ABCA8: variants seen among roughly 807,000 people sequenced by gnomAD.
ABCA8 encodes ATP binding cassette subfamily A member 8, also known as ABC-type organic anion transporter ABCA8.
ABCA8 carries 177 observed loss-of-function variants against 192.3 expected under a neutral mutation model. The ratio of observed to expected loss-of-function variants is 0.92; its 90% confidence interval spans 0.81 to 1.04. The LOEUF (loss-of-function observed/expected upper bound fraction) is 1.04. Ranked by LOEUF, ABCA8 falls within the 50% of genes least tolerant of loss-of-function variation. The pLI, the probability that ABCA8 is intolerant of heterozygous loss-of-function variation, is 0.00. For synonymous variants in ABCA8, 642 were observed against 690.2 expected (o/e 0.93, Z 1.09); for missense variants, 1,915 against 1,904.8 (o/e 1.01, Z -0.10).
rs1292404335 is a variant in ABCA8 at position 68,867,567 on chromosome 17, T to C, written c.*518A>G. ...TTACCTGTGGATATGTTATCAACGA[T>C]ATTGATATCAGATACTATGACCCAT... On this transcript the variant is annotated 3_prime_UTR_variant, in exon 40 of 40. Transcript: ENST00000586539. 6.6e-6 allele frequency: 1 copy of C among 152,210 alleles called. No homozygotes were observed. Among genetic ancestry groups the C allele is most frequent in the South Asian group, 2.1e-4 (1 of 4,830 alleles). 9.4% of individuals were successfully genotyped at this position (152,210 alleles called of 1,614,324 possible). A position where few individuals can be genotyped will look rare whatever the true frequency, so the allele number is the denominator to read the frequency against.
Position 68,936,978 on chromosome 17 carries a change from C to A in ABCA8, c.439G>T (p.Ala147Ser). The A allele has an allele frequency of 6.2e-7, 1 of 1,602,080 alleles. No individual in the cohort carries two copies. The highest frequency in any genetic ancestry group is 8.5e-7 in the Non-Finnish European group (1 of 1,175,968). The change falls in exon 5 of 40, where the codon GCA becomes TCA. Residue 147 changes from alanine (A) to serine (S), a missense_variant. Transcript: ENST00000586539. ...LKFLLGHGMP[A>S]KKEHKDHTAH... ...GTATGGTCCTTGTGCTCCTTCTTTGCTGGCATTCCATGTCCTAGCAAGAAC... is the reference window on the plus strand; with the variant it reads ...GTATGGTCCTTGTGCTCCTTCTTTGATGGCATTCCATGTCCTAGCAAGAAC...
chr17:68,906,137 G>T lies in ABCA8; in HGVS notation c.2305C>A (p.Pro769Thr), dbSNP rs1567848392. ...PELYKDLDSY[P>T]DLGIENYGVS... is the part of the protein sequence containing the mutation. ...CCATAATTCTCAATTCCTAGGTCAG[G>T]ATAGCTATCAAGATCCTTGTAAAGT... The change falls in exon 19 of 40, where the codon CCT (proline) becomes ACT (threonine). Residue 769 changes from proline to threonine, a missense_variant. By Grantham distance (38) the Pro-to-Thr change is conservative (BLOSUM62 -1). Coordinates refer to ENST00000586539, the MANE Select transcript of ABCA8 (RefSeq NM_001288985.2). 1.3e-6 allele frequency: 2 copies of T among 1,592,606 alleles called. No individual in the cohort carries two copies. Among genetic ancestry groups the T allele is most frequent in the South Asian group, 1.1e-5 (1 of 87,382 alleles).
intron 13 of ABCA8, among the ~76,000 whole-genome samples, chr17:68,921,150 T>C (rs2067521714): frequency 6.6e-6 from 1 of 150,866 alleles, no homozygotes; most frequent in Non-Finnish European, 1.5e-5. Flanking sequence ...AATTGAACAA[T>C]GAGAACACTT....
At chr17:68,875,070 C>T (rs952875624) in intron 37 of ABCA8, among the ~76,000 whole-genome samples, 190 bp downstream of exon 37, 8 of 152,178 alleles carry the variant, frequency 5.3e-5, no homozygotes, top group Non-Finnish European at 1.2e-4. Flanking sequence ...CAGCCCCTGG[C>T]GCATAGTGGA....
At chr17:68,921,604 A>T (rs1433213382) in intron 12 of ABCA8, 112 bp from the exon 13 acceptor site, 8 of 562,998 alleles carry the variant, frequency 1.4e-5, no homozygotes. Flanking sequence ...ATTCTCTTGA[A>T]TGGTTGTCTT....
chr17:68,932,597 T>G, intron 6 of ABCA8, 83 bp from the exon 7 acceptor site: 1 of 1,020,610 alleles, frequency 9.8e-7, no homozygotes, highest in Non-Finnish European at 1.5e-6. Context: ...TTCTTGTGGA[T>G]GTATGATTGG....
chr17:68,908,030 A>ACTTATTTATACATT, intron 17 of ABCA8, 151 bp from the exon 18 acceptor site: 1 of 721,460 alleles, frequency 1.4e-6, no homozygotes. Flanking sequence ...AGAGGACAAA[A>ACTTATTTATACATT]ACCCAAGAAA....
intron 17 of ABCA8, among the ~76,000 whole-genome samples, chr17:68,915,230 G>T (rs1405959608): frequency 6.6e-6 from 1 of 152,012 alleles, no homozygotes; most frequent in Non-Finnish European, 1.5e-5. Flanking sequence ...TCTGGGTAAA[G>T]ATTTCTCTAC....
intron 17 of ABCA8, 69 bp downstream of exon 17, chr17:68,917,292 T>C (rs543629407): frequency 1.8e-5 from 16 of 888,774 alleles, no homozygotes; most frequent in Non-Finnish European, 2.5e-5. Context: ...TTCTTGTGTG[T>C]TGTAATGTTT....
rs756411451 is a variant in ABCA8, at chr17:68,887,496, C to T, written c.3155G>A (p.Arg1052Gln). ...GAGTCCGGAAATCCGTAGCTGGGAC[C>T]GAGCTCTGTTCTAATTAGGAGACAG... ...SSIDDYKNRA[R>Q]SQLRISGLSP... The change falls in exon 25 of 40, where the codon CGG becomes CAG. Residue 1052 changes from arginine (R) to glutamine (Q), a missense_variant. Coordinates refer to ENST00000586539, the MANE Select transcript of ABCA8 (RefSeq NM_001288985.2). The T allele has an allele frequency of 1.9e-5, 30 of 1,609,524 alleles. No homozygotes were observed. Among genetic ancestry groups the T allele is most frequent in the African/African-American group, 2.7e-5 (2 of 74,650 alleles).
rs764453381 is a variant in ABCA8 at position 68,929,607 on chromosome 17, C to A, written c.893G>T (p.Gly298Val). 6.2e-7 allele frequency: 1 copy of A among 1,613,588 alleles called. No homozygotes were observed. Among genetic ancestry groups the A allele is most frequent in the Non-Finnish European group, 8.5e-7 (1 of 1,179,766 alleles). ...AAAGAGGCTGAAGACTACCATGAAG[C>A]CAGACAAAATGATAAACTGGGTAGA... ...IRSTQFIILS[G>V]FMVVFSLFLL... The change falls in exon 8 of 40, where the codon GGC (glycine) becomes GTC (valine). Residue 298 changes from glycine to valine, a missense_variant. Physicochemically the swap from Gly to Val is moderately radical, Grantham distance 109. Transcript: ENST00000586539.
chr17:68,868,296 C>A lies in ABCA8; in HGVS notation c.4767+5G>T. 1 of 1,613,456 alleles carries A rather than the reference C, an allele frequency of 6.2e-7. No individual in the cohort carries two copies. The highest frequency in any genetic ancestry group is 8.5e-7 in the Non-Finnish European group (1 of 1,179,512). ...GGATGATACGAATCCCTAAAAATGA[C>A]CCACCTGCTCCAGGGTAGACTGTGA... is the stretch of plus-strand genomic sequence containing the variant. On this transcript the variant is annotated splice_donor_5th_base_variant and intron_variant, in intron 39 of 39. Coordinates refer to ENST00000586539, the MANE Select transcript of ABCA8 (RefSeq NM_001288985.2).
At chr17:68,882,742 A>G in intron 29 of ABCA8, 23 bp from the exon 30 acceptor site, 1 of 1,600,876 alleles carries the variant, frequency 6.2e-7, no homozygotes, top group Non-Finnish European at 8.5e-7. Flanking sequence ...CCATCCATTA[A>G]TATTGATTTC....
chr17:68,937,625 G>A (rs1284739779), intron 4 of ABCA8, among the ~76,000 whole-genome samples: 1 of 152,048 alleles, frequency 6.6e-6, no homozygotes, highest in Non-Finnish European at 1.5e-5. Context: ...CTTTTCTGTA[G>A]GTATTTTGTC....
chr17:68,922,230 T>TAAC lies in ABCA8; in HGVS notation c.1501+11_1501+12insGTT. 4.8e-6 allele frequency: 3 copies of TAAC among 619,890 alleles called. No individual in the cohort carries two copies. Among genetic ancestry groups the TAAC allele is most frequent in the African/African-American group, 4.4e-5 (2 of 44,986 alleles). 38.4% of individuals were successfully genotyped at this position (619,890 alleles called of 1,614,324 possible). A position where few individuals can be genotyped will look rare whatever the true frequency, so the allele number is the denominator to read the frequency against. On this transcript the variant is annotated intron_variant, in intron 12 of 39. Transcript: ENST00000586539. ...TTTTTTTTTTTTTTTTTTTTTTTTT[T>TAAC]TTTTTTTTTACCTTTCAAGGCTTCT...
intron 2 of ABCA8, among the ~76,000 whole-genome samples, chr17:68,944,320 A>ATATATT (rs1159361895): frequency 5.0e-5 from 2 of 39,934 alleles, no homozygotes; most frequent in Admixed American, 4.4e-4. Flanking sequence ...TTAAAGTTAT[A>ATATATT]TATATATATA....
chr17:68,950,920 T>C (rs1013507129), intron 1 of ABCA8, among the ~76,000 whole-genome samples: 6 of 152,136 alleles, frequency 3.9e-5, no homozygotes, highest in African/African-American at 2.4e-5. Context: ...AGGTGTGATG[T>C]CGCACCAGTT....
intron 20 of ABCA8, 101 bp from the exon 21 acceptor site, chr17:68,902,980 T>A: frequency 9.8e-7 from 1 of 1,020,380 alleles, no homozygotes; most frequent in Non-Finnish European, 1.4e-6. Context: ...TTATAAAAAT[T>A]AAACACAATT....
In ABCA8 at chr17:68,877,575, C is replaced by G; in HGVS notation, c.4143G>C (p.Glu1381Asp). Residue 1381 changes from glutamate to aspartate, a missense_variant, in exon 33 of 40, where the codon GAG becomes GAC. Transcript: ENST00000586539. ...TCAGCCCTTTCACGGCGGCGTACAC[C>G]TCCAGGTGCTGCCTCACTGTCAGGT... ...WPNLTVRQHL[E>D]VYAAVKGLRK... The G allele has an allele frequency of 4.3e-6, 7 of 1,614,094 alleles. No individual in the cohort carries two copies. Among genetic ancestry groups the G allele is most frequent in the Non-Finnish European group, 5.9e-6 (7 of 1,179,998 alleles).
Sources: allele counts gnomAD v4.1 joint callset (sites outside exome capture counted in the v4.1 genomes callset), GRCh38; gene constraint gnomAD v4.1.1; transcripts MANE v1.5; gene names NCBI Gene and HGNC (gene_info 2026-07-23, HGNC 2026-07-21).